The following R3HDM2 variants were observed in gnomAD, a reference collection of about 807,000 sequenced individuals.
R3HDM2 encodes R3H domain containing 2, also known as R3H domain-containing protein 2.
R3HDM2 carries 38 observed loss-of-function variants against 124.5 expected under a neutral mutation model. The ratio of observed to expected loss-of-function variants is 0.31; its 90% CI spans 0.24 to 0.40. R3HDM2 has a LOEUF of 0.40. R3HDM2 is among the 10% of genes least tolerant of loss of function. The probability of loss-of-function intolerance (pLI) is 1.00; values close to 1 mark genes in which losing one functional copy is unlikely to be tolerated. For synonymous variants in R3HDM2, 391 were observed against 448.0 expected, an observed-to-expected ratio of 0.87 and a Z score of 1.61; for missense variants, 869 against 1,236.9, an observed-to-expected ratio of 0.70 and a Z score of 4.46.
rs2043494784 is a variant in R3HDM2 at position 57,271,088 on chromosome 12, A to G, written c.1345-1094T>C. On this transcript the variant is annotated intron_variant, in intron 14 of 23. Coordinates refer to ENST00000402412, the MANE Select transcript of R3HDM2 (RefSeq NM_001394031.1). ...ATAACACCTTGAGTGGATCATGGGT[A>G]GCTAGGTTCATGTGCCTTCACAGCT... Among the ~76,000 whole-genome samples the G allele has an allele frequency of 3.3e-5, 5 of 152,214 alleles. No individual in the cohort carries two copies. The South Asian group carries it at 1.0e-3, about 31-fold the overall frequency.
chr12:57,355,803 C>T (rs1001460761), intron 2 of R3HDM2, among the ~76,000 whole-genome samples: 7 of 152,200 alleles, frequency 4.6e-5, no homozygotes, highest in African/African-American at 1.7e-4. Flanking sequence ...AATGGTACTG[C>T]ATGTGTCTTG....
intron 1 of R3HDM2, among the ~76,000 whole-genome samples, chr12:57,416,946 C>T (rs1009147365): frequency 2.0e-5 from 3 of 151,728 alleles, no homozygotes; most frequent in Non-Finnish European, 4.4e-5. Flanking sequence ...CCCATCTCTA[C>T]TAAAAATACA....
At chr12:57,360,830 C>T (rs549419849) in intron 2 of R3HDM2, among the ~76,000 whole-genome samples, 95 of 151,580 alleles carry the variant, frequency 6.3e-4, no homozygotes, top group African/African-American at 2.1e-3. Flanking sequence ...CTGAGGCGGG[C>T]GGGTCATGAG....
At chr12:57,295,685 AC>A in intron 9 of R3HDM2, 178 bp from the exon 10 acceptor site, 2 of 571,024 alleles carry the variant, frequency 3.5e-6, no homozygotes, top group African/African-American at 1.9e-5. Context: ...TGTACTTTAT[AC>A]ATCTATAACT....
chr12:57,348,021 T>G (rs1357617082), intron 2 of R3HDM2, among the ~76,000 whole-genome samples: 1 of 152,190 alleles, frequency 6.6e-6, no homozygotes, highest in Admixed American at 6.5e-5. Flanking sequence ...AGATGTTTCA[T>G]CCTAAGGAAG....
intron 14 of R3HDM2, among the ~76,000 whole-genome samples, chr12:57,273,229 G>A (rs1459195276): frequency 2.0e-5 from 3 of 152,074 alleles, no homozygotes; most frequent in Non-Finnish European, 4.4e-5. Flanking sequence ...CACCCCCCAA[G>A]CAAACAGGAA....
chr12:57,392,550 C>T (rs541322540), intron 2 of R3HDM2, among the ~76,000 whole-genome samples: 2 of 152,200 alleles, frequency 1.3e-5, no homozygotes, highest in East Asian at 3.9e-4. Flanking sequence ...ACTGGGGAAC[C>T]CTGACATATA....
chr12:57,266,692 T>C (rs1231622696), intron 19 of R3HDM2, 39 bp downstream of exon 19: 1 of 1,490,038 alleles, frequency 6.7e-7, no homozygotes, highest in Non-Finnish European at 9.3e-7. Context: ...ATGTTTGCTC[T>C]TGTCAGTGCC....
At chr12:57,256,261 TG>T in intron 22 of R3HDM2, 152 bp downstream of exon 22, 1 of 860,972 alleles carries the variant, frequency 1.2e-6, no homozygotes. Flanking sequence ...GGGGGTCGGG[TG>T]GGAGACATGA....
intron 14 of R3HDM2, among the ~76,000 whole-genome samples, chr12:57,271,998 G>T (rs561142255): frequency 2.6e-5 from 4 of 151,868 alleles, no homozygotes; most frequent in Non-Finnish European, 5.9e-5. Context: ...AGGTTCAAGC[G>T]ATTCTCCTGC....
chr12:57,317,688 A>AAAAG, intron 2 of R3HDM2, among the ~76,000 whole-genome samples: 1 of 125,678 alleles, frequency 8.0e-6, no homozygotes, highest in Non-Finnish European at 1.7e-5. Flanking sequence ...AAAAAAAAAA[A>AAAAG]GGGTATATTA....
At position 57,296,126 on chromosome 12, in the gene R3HDM2, C is replaced by G. The variant is rs572448103; in HGVS notation, c.701+285G>C. Reference sequence around the variant, plus strand: ...CTTATGATCCACCCGCCTCGGCCTCCCAAAGTGCTGGGATTACAGGCGTCA... The same window carrying G: ...CTTATGATCCACCCGCCTCGGCCTCGCAAAGTGCTGGGATTACAGGCGTCA... On this transcript the variant is annotated intron_variant, in intron 9 of 23. Coordinates refer to ENST00000402412, the MANE Select transcript of R3HDM2 (RefSeq NM_001394031.1). This position sits in a 1 kb window ranked among gnomAD's most constrained non-coding sequence, Gnocchi z 4.5. Among the ~76,000 whole-genome samples the G allele has an allele frequency of 1.9e-3, 288 of 152,320 alleles. No individual in the cohort carries two copies. The highest frequency in any genetic ancestry group is 3.4e-3 in the Non-Finnish European group (229 of 68,018).
At chr12:57,395,914 TATC>T (rs1012928380) in intron 1 of R3HDM2, 96 bp from the exon 2 acceptor site, 4 of 452,996 alleles carry the variant, frequency 8.8e-6, no homozygotes, top group African/African-American at 8.5e-5. Flanking sequence ...CACCTGTTAA[TATC>T]ATCTTTCCCA....
chr12:57,406,958 G>A (rs2139173711), intron 1 of R3HDM2, among the ~76,000 whole-genome samples: 1 of 152,198 alleles, frequency 6.6e-6, no homozygotes, highest in South Asian at 2.1e-4. Flanking sequence ...AAGTCTTTTA[G>A]AAAAAGAGAT....
rs1361420164 is a variant in R3HDM2, at chr12:57,381,949, GA to G, written c.-36+13799del. ...CCTCCTATCAGCCTCCTGAGTAGCTGAAACTATACACATGCACCACCATGCC... is the reference window on the plus strand; with the variant it reads ...CCTCCTATCAGCCTCCTGAGTAGCTGAACTATACACATGCACCACCATGCC... On this transcript the variant is annotated intron_variant, in intron 2 of 23. Transcript: ENST00000402412. Among the ~76,000 whole-genome samples, 7 of 151,614 alleles carry G rather than the reference GA, an allele frequency of 4.6e-5. No homozygotes were observed. In the South Asian group the frequency reaches 1.3e-3, roughly 27 times the overall value.
intron 21 of R3HDM2, among the ~76,000 whole-genome samples, chr12:57,256,744 C>G (rs1592298421): frequency 1.3e-5 from 2 of 152,232 alleles, no homozygotes; most frequent in South Asian, 4.1e-4. Context: ...AAGAAAGGCT[C>G]TATCCACTGT....
Position 57,296,726 on chromosome 12 carries a change from T to A in R3HDM2, c.561-175A>T. ...CCAAATAGGTTTTTCTCAGTTTCTT[T>A]ATCTACAGTATTCTGCAGATTACTA... On this transcript the variant is annotated intron_variant, in intron 8 of 23. Coordinates refer to ENST00000402412, the MANE Select transcript of R3HDM2 (RefSeq NM_001394031.1). The surrounding 1 kb of genome is among the most constrained non-coding windows in gnomAD (Gnocchi z 4.5). 1 of 675,838 alleles carries A rather than the reference T, an allele frequency of 1.5e-6. No individual in the cohort carries two copies. The highest frequency in any genetic ancestry group is 2.4e-6 in the Non-Finnish European group (1 of 415,636). 41.9% of individuals were successfully genotyped at this position (675,838 alleles called of 1,614,324 possible).
At position 57,310,395 on chromosome 12, in the gene R3HDM2, C is replaced by T; in HGVS notation, c.34G>A (p.Glu12Lys). Reference sequence around the variant, plus strand: ...TTTTTTTCTGATTCTTTCATTATTTCCAGGGTCTCTTGAGTAGTGTTACTG... The same window carrying T: ...TTTTTTTCTGATTCTTTCATTATTTTCAGGGTCTCTTGAGTAGTGTTACTG... ...SNSNTTQETL[E>K]IMKESEKKLV... The change falls in exon 3 of 24, where the codon GAA (glutamate) becomes AAA (lysine). Residue 12 changes from glutamate to lysine, a missense_variant. Around this residue, in one of 2 missense-constraint regions of R3HDM2, gnomAD observed 267 missense variants for 447.7 expected, o/e 0.60. Coordinates refer to ENST00000402412, the MANE Select transcript of R3HDM2 (RefSeq NM_001394031.1). 1 of 1,547,838 alleles carries T rather than the reference C, an allele frequency of 6.5e-7. No individual in the cohort carries two copies. Among genetic ancestry groups the T allele is most frequent in the Non-Finnish European group, 8.7e-7 (1 of 1,145,140 alleles).
intron 19 of R3HDM2, 111 bp downstream of exon 19, chr12:57,266,620 G>A (rs2042496556): frequency 1.2e-6 from 1 of 819,422 alleles, no homozygotes; most frequent in African/African-American, 1.7e-5. Context: ...TCACAGTGGG[G>A]ACAGACCCAA....
Sources: gnomAD v4.1 joint callset for allele counts (sites outside exome capture counted in the v4.1 genomes callset) on GRCh38, gnomAD v4.1.1 for gene constraint, gnomAD v4.1.1 regional missense constraint, Gnocchi (gnomAD v3.1) non-coding constraint, MANE v1.5 for transcripts, NCBI Gene and HGNC (gene_info 2026-07-23, HGNC 2026-07-21) for gene names.